Variants in TMEM132D observed in about 807,000 individuals in gnomAD.
TMEM132D encodes the protein mature OL transmembrane protein.
TMEM132D carries 21 observed loss-of-function variants against 62.3 expected under a neutral mutation model. That is an observed-to-expected ratio of 0.34 (90% CI 0.24 to 0.49). The LOEUF (loss-of-function observed/expected upper bound fraction) is 0.49, where lower values mean the gene tolerates loss of function less well. Ranked by LOEUF, TMEM132D falls within the 20% of genes least tolerant of loss-of-function variation. The pLI, the probability that TMEM132D is intolerant of heterozygous loss-of-function variation, is 0.99. For missense variants in TMEM132D, 1,346 were observed against 1,402.8 expected (o/e 0.96, Z 0.65); for synonymous variants, 621 against 575.6 (o/e 1.08, Z -1.13).
At position 129,356,214 on chromosome 12, in the gene TMEM132D, T is replaced by G. The variant is rs992910311; in HGVS notation, c.1116-18397A>C. ...CTCTGTCGCCCAGGCTGGAGTGCAG[T>G]GGCGGGATCTCGGCTCACTGCAAGC... is the stretch of plus-strand genomic sequence containing the variant. On this transcript the variant is annotated intron_variant, in intron 3 of 8. Coordinates refer to ENST00000422113, the MANE Select transcript of TMEM132D (RefSeq NM_133448.3). Among the ~76,000 whole-genome samples the G allele has an allele frequency of 1.7e-3, 37 of 21,376 alleles. 10 individuals carry two copies. Among genetic ancestry groups the G allele is most frequent in the African/African-American group, 9.5e-3 (36 of 3,796 alleles). The allele number at this position is 21,376 out of a possible 152,430, so 14.0% of individuals were successfully genotyped here. A position where few individuals can be genotyped will look rare whatever the true frequency, so the allele number is the denominator to read the frequency against.
intron 1 of TMEM132D, among the ~76,000 whole-genome samples, chr12:129,807,445 C>T (rs1420789060): frequency 6.6e-6 from 1 of 152,198 alleles, no homozygotes; most frequent in Non-Finnish European, 1.5e-5. Context: ...ACATCGCCAT[C>T]CCAATCCCCA....
rs149816751 is a variant in TMEM132D at position 129,581,989 on chromosome 12, C to A, written c.969-50784G>T. 4.4e-3 allele frequency among the ~76,000 whole-genome samples: 672 copies of A among 152,290 alleles called. 5 individuals carry two copies. The highest frequency in any genetic ancestry group is 0.016 in the African/African-American group (651 of 41,552). ...CCCAGAACACCATCACTACCCACAG[C>A]ATGTTTAACACTGAGAGCATCAATG... On this transcript the variant is annotated intron_variant, in intron 2 of 8. Coordinates refer to ENST00000422113, the MANE Select transcript of TMEM132D (RefSeq NM_133448.3).
chr12:129,725,034 T>G (rs1371368923), intron 1 of TMEM132D, among the ~76,000 whole-genome samples: 1 of 152,230 alleles, frequency 6.6e-6, no homozygotes, highest in African/African-American at 2.4e-5. Context: ...ACCCTCTGGT[T>G]GTCTCTTCCC....
chr12:129,761,624 C>T (rs564421901), intron 1 of TMEM132D, among the ~76,000 whole-genome samples: 4 of 152,338 alleles, frequency 2.6e-5, no homozygotes, highest in African/African-American at 9.6e-5. Flanking sequence ...CTCGGTTCTC[C>T]GCGGTTGGCC....
chr12:129,608,341 A>T (rs1878682168), intron 2 of TMEM132D, among the ~76,000 whole-genome samples: 1 of 152,130 alleles, frequency 6.6e-6, no homozygotes, highest in African/African-American at 2.4e-5. Flanking sequence ...GCCCAACCTA[A>T]TTTCAGTCTG....
intron 1 of TMEM132D, among the ~76,000 whole-genome samples, chr12:129,707,485 A>C (rs969181198): frequency 1.3e-5 from 2 of 152,168 alleles, no homozygotes. Flanking sequence ...ACACAGTAGC[A>C]TAGAGGGGCT....
chr12:129,125,086 A>G (rs1020463937), intron 5 of TMEM132D, among the ~76,000 whole-genome samples: 1 of 152,140 alleles, frequency 6.6e-6, no homozygotes, highest in African/African-American at 2.4e-5. Context: ...TTTATTATTG[A>G]TGTTTCATGC....
At chr12:129,849,073 C>G (rs1248560956) in intron 1 of TMEM132D, among the ~76,000 whole-genome samples, 1 of 152,034 alleles carries the variant, frequency 6.6e-6, no homozygotes, top group African/African-American at 2.4e-5. Context: ...AGAAATGTTC[C>G]AGAGAAAAAC....
intron 5 of TMEM132D, among the ~76,000 whole-genome samples, chr12:129,164,663 G>A (rs531071889): frequency 3.1e-4 from 47 of 152,264 alleles, no homozygotes; most frequent in Non-Finnish European, 5.6e-4. Context: ...TTCACAAGGC[G>A]GCAGGAAGAA....
chr12:129,371,384 AATGATGATGGTGGTGATTATGATG>A lies in TMEM132D; in HGVS notation c.1116-33591_1116-33568del, dbSNP rs1870595503. ...TAATGATGTGATGATGGTGATGATG[AATGATGATGGTGGTGATTATGATG>A]ATGATGATGGTGATAATGGAGATGA... On this transcript the variant is annotated intron_variant, in intron 3 of 8. Transcript: ENST00000422113. This position sits in a 1 kb window ranked among gnomAD's most constrained non-coding sequence, Gnocchi z 4.3. Among the ~76,000 whole-genome samples, 1 of 151,260 alleles carries A rather than the reference AATGATGATGGTGGTGATTATGATG, an allele frequency of 6.6e-6. No homozygotes were observed. Among genetic ancestry groups the A allele is most frequent in the Admixed American group, 6.6e-5 (1 of 15,160 alleles).
chr12:129,891,069 A>G (rs780284863), intron 1 of TMEM132D, among the ~76,000 whole-genome samples: 12 of 152,082 alleles, frequency 7.9e-5, no homozygotes, highest in Non-Finnish European at 1.6e-4. Flanking sequence ...AGCAGGTCCT[A>G]GAGGAGCCTC....
At chr12:129,161,409 TG>T (rs1233049840) in intron 5 of TMEM132D, among the ~76,000 whole-genome samples, 11 of 152,342 alleles carry the variant, frequency 7.2e-5, no homozygotes, top group African/African-American at 2.6e-4. Flanking sequence ...GAGCTTTCCA[TG>T]GACATTTAGT....
chr12:129,723,629 CA>C (rs1246022368), intron 1 of TMEM132D, among the ~76,000 whole-genome samples: 1 of 152,218 alleles, frequency 6.6e-6, no homozygotes, highest in Non-Finnish European at 1.5e-5. Flanking sequence ...GTCTGTGATG[CA>C]GCTCCCTGAC....
In TMEM132D at chr12:129,563,492, C is replaced by T. The variant is rs552182713; in HGVS notation, c.969-32287G>A. 2.0e-5 allele frequency among the ~76,000 whole-genome samples: 3 copies of T among 152,280 alleles called. No homozygotes were observed. In the South Asian group the frequency reaches 6.2e-4, roughly 32 times the overall value. On this transcript the variant is annotated intron_variant, in intron 2 of 8. Coordinates refer to ENST00000422113, the MANE Select transcript of TMEM132D (RefSeq NM_133448.3). Reference sequence around the variant, plus strand: ...GGGAGAGTGGGAAGACATGCTTAGACACACGGAGTTGGCAATGTAATCAGG... The same window carrying T: ...GGGAGAGTGGGAAGACATGCTTAGATACACGGAGTTGGCAATGTAATCAGG...
At chr12:129,513,634 A>C (rs368408795) in intron 3 of TMEM132D, among the ~76,000 whole-genome samples, 1 of 145,620 alleles carries the variant, frequency 6.9e-6, no homozygotes, top group Non-Finnish European at 1.5e-5. Flanking sequence ...ACAGGCACCC[A>C]CCACCACGCC....
intron 5 of TMEM132D, among the ~76,000 whole-genome samples, chr12:129,117,550 T>C (rs1398437145): frequency 7.0e-6 from 1 of 142,680 alleles, no homozygotes. Context: ...GACAGCCCAA[T>C]AAGGAAAGCA....
At chr12:129,359,879 G>T (rs1870191084) in intron 3 of TMEM132D, among the ~76,000 whole-genome samples, 1 of 151,706 alleles carries the variant, frequency 6.6e-6, no homozygotes, top group South Asian at 2.1e-4. Context: ...TTGCCATAAG[G>T]ATAAGAATTC....
At chr12:129,899,653 T>G (rs1875286046) in intron 1 of TMEM132D, among the ~76,000 whole-genome samples, 1 of 152,246 alleles carries the variant, frequency 6.6e-6, no homozygotes, top group Non-Finnish European at 1.5e-5. Context: ...ATTTTTGAAA[T>G]TTTTGTTGTT....
intron 5 of TMEM132D, among the ~76,000 whole-genome samples, chr12:129,190,521 G>GGAGGGAGGGGTCTCAGGCCTGCAGATA (rs1878363669): frequency 1.2e-5 from 1 of 85,478 alleles, no homozygotes; most frequent in Non-Finnish European, 2.5e-5. Context: ...GCCTGCAGAT[G>GGAGGGAGGGGTCTCAGGCCTGCAGATA]GAGGGAGGGG....
Sources: gnomAD v4.1 joint callset for allele counts (sites outside exome capture counted in the v4.1 genomes callset) on GRCh38, gnomAD v4.1.1 for gene constraint, Gnocchi (gnomAD v3.1) non-coding constraint, MANE v1.5 for transcripts, NCBI Gene and HGNC (gene_info 2026-07-23, HGNC 2026-07-21) for gene names.